DHCR24: variants seen among roughly 807,000 people sequenced by gnomAD.
DHCR24 encodes 24-dehydrocholesterol reductase.
Under a neutral mutation model 61.2 loss-of-function variants are expected in DHCR24, and 28 were observed. That is an observed-to-expected ratio of 0.46 (90% CI 0.34 to 0.63). DHCR24 has a LOEUF of 0.63. DHCR24 is among the 20% of genes least tolerant of loss of function. The pLI is 0.01. For synonymous variants in DHCR24, 261 were observed against 275.9 expected (o/e 0.95, Z 0.54); for missense variants, 538 against 679.1 (o/e 0.79, Z 2.31).
chr1:54,854,329 T>TTC, intron 6 of DHCR24, 95 bp from the exon 7 acceptor site: 1 of 1,097,130 alleles, frequency 9.1e-7, no homozygotes, highest in Non-Finnish European at 1.3e-6. Context: ...CATTCTGTGC[T>TTC]TGACAGAAGC....
At chr1:54,865,071 G>A (rs1207517262) in intron 6 of DHCR24, among the ~76,000 whole-genome samples, 4 of 152,288 alleles carry the variant, frequency 2.6e-5, no homozygotes, top group African/African-American at 7.2e-5. Context: ...CGGCCCAGGG[G>A]CTTACTCCCC....
intron 6 of DHCR24, among the ~76,000 whole-genome samples, chr1:54,859,788 A>G (rs1189883563): frequency 6.6e-6 from 1 of 152,240 alleles, no homozygotes; most frequent in East Asian, 1.9e-4. Flanking sequence ...ATGCGTGGAA[A>G]GTGTTCAGCA....
chr1:54,876,104 A>C (rs1647027148), intron 2 of DHCR24, 57 bp from the exon 3 acceptor site: 2 of 1,363,588 alleles, frequency 1.5e-6, no homozygotes, highest in Admixed American at 3.4e-5. Flanking sequence ...GCCCAAGGGG[A>C]GCTGCTGCAC....
intron 4 of DHCR24, 143 bp from the exon 5 acceptor site, chr1:54,871,756 G>C (rs1647001215): frequency 8.2e-7 from 1 of 1,212,412 alleles, no homozygotes; most frequent in Non-Finnish European, 1.2e-6. Context: ...TACAAACTGT[G>C]CTTGCTGGGC....
chr1:54,865,020 C>G (rs1646960116), intron 6 of DHCR24, among the ~76,000 whole-genome samples: 1 of 152,202 alleles, frequency 6.6e-6, no homozygotes, highest in East Asian at 1.9e-4. Context: ...AGAGGCTAAC[C>G]CTTCCTCAAG....
In DHCR24 at chr1:54,871,331, A is replaced by G. The variant is rs201789591; in HGVS notation, c.876+19T>C. On this transcript the variant is annotated intron_variant, in intron 5 of 8. Coordinates refer to ENST00000371269, the MANE Select transcript of DHCR24 (RefSeq NM_014762.4). ...TGCCTCCCCAGTCTTGGTCAGCAGC[A>G]GCTGACACCCTGGCTTACCTTGCTG... The G allele has an allele frequency of 5.0e-6, 8 of 1,613,598 alleles. No individual in the cohort carries two copies. The East Asian group carries it at 1.8e-4, about 36-fold the overall frequency.
Position 54,871,630 on chromosome 1 carries a change from ATGTGT to A in DHCR24, c.613-22_613-18del. 1 of 1,614,046 alleles carries A rather than the reference ATGTGT, an allele frequency of 6.2e-7. No homozygotes were observed. Among genetic ancestry groups the A allele is most frequent in the Non-Finnish European group, 8.5e-7 (1 of 1,180,014 alleles). On this transcript the variant is annotated intron_variant, in intron 4 of 8. Transcript: ENST00000371269. ...GTTTTCGGACTGTGAGACAGAATTGATGTGTTGTGAGCTGAAACCTTGGGCCCCAC... is the reference window on the plus strand; with the variant it reads ...GTTTTCGGACTGTGAGACAGAATTGATGTGAGCTGAAACCTTGGGCCCCAC...
At chr1:54,874,107 G>A (rs1437487542) in intron 4 of DHCR24, among the ~76,000 whole-genome samples, 1 of 152,194 alleles carries the variant, frequency 6.6e-6, no homozygotes, top group Non-Finnish European at 1.5e-5. Flanking sequence ...AGAGTCAAAA[G>A]TTTTTAAAAA....
chr1:54,861,124 T>C (rs575405029), intron 6 of DHCR24, among the ~76,000 whole-genome samples: 63 of 152,282 alleles, frequency 4.1e-4, no homozygotes, highest in African/African-American at 1.5e-3. Flanking sequence ...CCTTGGCCAC[T>C]GGCTCTCACA....
At chr1:54,871,097 T>C (rs1156550162) in intron 5 of DHCR24, among the ~76,000 whole-genome samples, 1 of 152,210 alleles carries the variant, frequency 6.6e-6, no homozygotes, top group Admixed American at 6.5e-5. Flanking sequence ...GGGTTTGCTA[T>C]AAGGACCAAA....
chr1:54,884,189 C>CT (rs967330851), intron 1 of DHCR24, among the ~76,000 whole-genome samples: 32 of 152,260 alleles, frequency 2.1e-4, no homozygotes, highest in Non-Finnish European at 2.5e-4. Context: ...CGATGACACC[C>CT]TTTTTTCGAG....
rs1646878159 is a variant in DHCR24, at chr1:54,852,074, C to T, written c.*159G>A. On this transcript the variant is annotated 3_prime_UTR_variant, in exon 9 of 9. Coordinates refer to ENST00000371269, the MANE Select transcript of DHCR24 (RefSeq NM_014762.4). The stretch of plus-strand genomic sequence containing the variant: ...ACATTCTTTCCATTCCACTGGGCTG[C>T]CCCCTGGAAGCCAGGAGGAAGGTGG... 1.3e-6 allele frequency: 1 copy of T among 796,336 alleles called. No homozygotes were observed. Among genetic ancestry groups the T allele is most frequent in the Non-Finnish European group, 2.0e-6 (1 of 501,308 alleles). The allele number at this position is 796,336 out of a possible 1,614,324, so 49.3% of individuals were successfully genotyped here. A position where few individuals can be genotyped will look rare whatever the true frequency, so the allele number is the denominator to read the frequency against.
rs1386340904 is a variant in DHCR24, at chr1:54,875,257, C to G, written c.494-46G>C. 8.2e-6 allele frequency: 13 copies of G among 1,590,952 alleles called. No homozygotes were observed. In the Admixed American group the frequency reaches 2.0e-4, roughly 24 times the overall value. ...GTGTCAGCAGGGAGAGCTGTGGGTA[C>G]AGGGTTGGGGGTGGGTTGGAGCTGG... On this transcript the variant is annotated intron_variant, in intron 3 of 8. Transcript: ENST00000371269.
Position 54,852,103 on chromosome 1 carries a change from T to C in DHCR24, c.*130A>G, listed in dbSNP as rs1031779419. The C allele has an allele frequency of 1.4e-5, 15 of 1,104,280 alleles. No homozygotes were observed. In the South Asian group the frequency reaches 2.1e-4, roughly 15 times the overall value. The allele number at this position is 1,104,280 out of a possible 1,614,324, so 68.4% of individuals were successfully genotyped here. On this transcript the variant is annotated 3_prime_UTR_variant, in exon 9 of 9. Coordinates refer to ENST00000371269, the MANE Select transcript of DHCR24 (RefSeq NM_014762.4). ...CTGGAAGCCAGGAGGAAGGTGGTGT[T>C]GGGCTGTCAGGGTGGGAGTTCTGGA...
chr1:54,875,048 T>A, intron 4 of DHCR24, 45 bp downstream of exon 4: 1 of 1,542,732 alleles, frequency 6.5e-7, no homozygotes, highest in African/African-American at 1.4e-5. Flanking sequence ...GGATCCTTAA[T>A]GCCCAGAGCA....
intron 6 of DHCR24, among the ~76,000 whole-genome samples, chr1:54,857,462 AG>A (rs1455128615): frequency 6.6e-6 from 1 of 152,264 alleles, no homozygotes; most frequent in Admixed American, 6.5e-5. Context: ...TGACATAAAA[AG>A]GAATGACAAG....
intron 1 of DHCR24, among the ~76,000 whole-genome samples, chr1:54,886,239 T>C (rs1647095347): frequency 6.6e-6 from 1 of 152,182 alleles, no homozygotes; most frequent in Admixed American, 6.5e-5. Flanking sequence ...AACTGAGAGA[T>C]GGACCGACTG....
intron 4 of DHCR24, among the ~76,000 whole-genome samples, chr1:54,872,778 A>G (rs1179275333): frequency 6.6e-6 from 1 of 152,198 alleles, no homozygotes; most frequent in East Asian, 1.9e-4. Flanking sequence ...CCGATAATAA[A>G]TAGGTCAAAA....
rs1273441340 is a variant in DHCR24, at chr1:54,887,172, C to T, written c.-53G>A. The T allele has an allele frequency of 6.8e-7, 1 of 1,466,080 alleles. No individual in the cohort carries two copies. Among genetic ancestry groups the T allele is most frequent in the Non-Finnish European group, 9.2e-7 (1 of 1,084,302 alleles). The allele number at this position is 1,466,080 out of a possible 1,614,324, so 90.8% of individuals were successfully genotyped here. A position where few individuals can be genotyped will look rare whatever the true frequency, so the allele number is the denominator to read the frequency against. On this transcript the variant is annotated 5_prime_UTR_variant, in exon 1 of 9. Transcript: ENST00000371269. ...GGGTTCGCGCCTCCTGTCACTGCCG[C>T]CAGCTCCGCGCCTGGCCCGCTCTGC...
Sources: allele counts gnomAD v4.1 joint callset (sites outside exome capture counted in the v4.1 genomes callset), GRCh38; gene constraint gnomAD v4.1.1; transcripts MANE v1.5; gene names NCBI Gene and HGNC (gene_info 2026-07-23, HGNC 2026-07-21).